Variants in VPS13A observed in about 807,000 individuals in gnomAD.
VPS13A encodes the protein intermembrane lipid transfer protein VPS13A.
A neutral mutation model predicts 390.9 loss-of-function variants in VPS13A; 264 were observed. That is an observed-to-expected ratio of 0.68 (90% CI 0.61 to 0.75). VPS13A has a LOEUF of 0.75. Ranked by LOEUF, VPS13A falls within the 30% of genes least tolerant of loss-of-function variation. VPS13A has a pLI of 0.00. For missense variants in VPS13A, 3,409 were observed against 3,733.9 expected (o/e 0.91, Z 2.27); for synonymous variants, 1,231 against 1,227.1 (o/e 1.00, Z -0.07).
intron 33 of VPS13A, among the ~76,000 whole-genome samples, chr9:77,296,487 T>C (rs1263134542): frequency 1.3e-5 from 2 of 152,136 alleles, no homozygotes; most frequent in Admixed American, 6.6e-5. Context: ...TTTTCTTTGA[T>C]ATAATTCTCT....
chr9:77,343,981 A>C (rs890151236), intron 50 of VPS13A, among the ~76,000 whole-genome samples, 172 bp from the exon 51 acceptor site: 2 of 152,214 alleles, frequency 1.3e-5, no homozygotes, highest in Non-Finnish European at 2.9e-5. Context: ...GACAAGTGAC[A>C]ATCCATCTTC....
At chr9:77,358,466 A>C in intron 57 of VPS13A, 28 bp downstream of exon 57, 1 of 1,564,346 alleles carries the variant, frequency 6.4e-7, no homozygotes, top group Non-Finnish European at 8.8e-7. Flanking sequence ...GATTTCCATA[A>C]AAGCAGTTGT....
chr9:77,382,116 G>T (rs1261831026), intron 68 of VPS13A, 29 bp downstream of exon 68: 4 of 1,546,096 alleles, frequency 2.6e-6, no homozygotes, highest in Non-Finnish European at 3.5e-6. Flanking sequence ...TATAAATTAA[G>T]ATTAATTTAG....
intron 68 of VPS13A, among the ~76,000 whole-genome samples, chr9:77,401,676 TA>T: frequency 6.6e-6 from 1 of 152,326 alleles, no homozygotes; most frequent in Admixed American, 6.5e-5. Context: ...TTCTTCCTCT[TA>T]ATATTTCTTA....
At chr9:77,235,375 C>A (rs1467024817) in intron 17 of VPS13A, among the ~76,000 whole-genome samples, 2 of 151,996 alleles carry the variant, frequency 1.3e-5, no homozygotes, top group Admixed American at 1.3e-4. Context: ...ATCTTGCTGC[C>A]TTTTGGACTG....
intron 68 of VPS13A, among the ~76,000 whole-genome samples, chr9:77,395,285 A>T (rs1834077288): frequency 6.6e-6 from 1 of 152,018 alleles, no homozygotes; most frequent in African/African-American, 2.4e-5. Flanking sequence ...TTTCTCACGT[A>T]ATAGGGAGGC....
chr9:77,194,162 A>G (rs1363511501), intron 1 of VPS13A, among the ~76,000 whole-genome samples: 1 of 152,070 alleles, frequency 6.6e-6, no homozygotes, highest in East Asian at 1.9e-4. Flanking sequence ...GTGTCCTGGC[A>G]AAACAGTGCG....
intron 5 of VPS13A, among the ~76,000 whole-genome samples, chr9:77,207,271 CAT>C (rs1173430289): frequency 1.1e-5 from 1 of 88,152 alleles, no homozygotes; most frequent in African/African-American, 3.3e-5. Context: ...TTATATGTAA[CAT>C]AACATGCATA....
At position 77,315,307 on chromosome 9, in the gene VPS13A, C is replaced by G. The variant is rs1230170346; in HGVS notation, c.4467C>G (p.Tyr1489Ter). The change falls in exon 38 of 72, where the codon TAC (tyrosine) becomes TAG (stop). Residue 1489 changes from tyrosine (Y) to a stop codon, truncating the protein, a stop_gained. Coordinates refer to ENST00000360280, the MANE Select transcript of VPS13A (RefSeq NM_033305.3). LOFTEE classifies it high-confidence loss of function. ...FDKKDMMDIK[Y>*]RKVRDGCVTD... is the part of the protein sequence containing the mutation. ...AAAAAGACATGATGGATATAAAGTA[C>G]AGGAAAGTCAGAGATGGTTGTGTGA... The G allele has an allele frequency of 6.2e-7, 1 of 1,613,882 alleles. No homozygotes were observed. Among genetic ancestry groups the G allele is most frequent in the Admixed American group, 1.7e-5 (1 of 59,996 alleles).
chr9:77,319,594 T>G lies in VPS13A; in HGVS notation c.5336T>G (p.Phe1779Cys). Residue 1779 changes from phenylalanine to cysteine, a missense_variant, in exon 42 of 72, where the codon TTT (phenylalanine) becomes TGT (cysteine). Phe to Cys is a radical substitution (Grantham distance 205). This residue lies in a region of VPS13A where 2,717 missense variants were observed against 2,917.4 expected (regional missense o/e 0.93). Coordinates refer to ENST00000360280, the MANE Select transcript of VPS13A (RefSeq NM_033305.3). The part of the protein sequence containing the change: ...ELEVHYYNEM[F>C]GVWEPLLEPL... ...TAGGTGCATTATTATAATGAAATGT[T>G]TGGTGTATGGGAGCCTTTGCTTGAA... The G allele has an allele frequency of 6.2e-7, 1 of 1,609,384 alleles. No homozygotes were observed. The highest frequency in any genetic ancestry group is 2.2e-5 in the East Asian group (1 of 44,774).
Position 77,384,631 on chromosome 9 carries a change from GTGATGATGATGATGA to G in VPS13A, c.9189+2563_9189+2577del, listed in dbSNP as rs113052866. On this transcript the variant is annotated intron_variant, in intron 68 of 71. Transcript: ENST00000360280. The stretch of plus-strand genomic sequence containing the variant: ...TGGATTATGACTCACAGTAGCAGTA[GTGATGATGATGATGA>G]TGATGATGATGATGATGAGTCAGAT... 3,644 of 1,606,034 alleles carry G rather than the reference GTGATGATGATGATGA, an allele frequency of 2.3e-3. 6 individuals carry two copies. Among genetic ancestry groups the G allele is most frequent in the Non-Finnish European group, 2.8e-3 (3,285 of 1,177,182 alleles).
Position 77,316,223 on chromosome 9 carries a change from T to C in VPS13A, c.4680T>C (p.Asn1560=), listed in dbSNP as rs1829376398. The change falls in exon 39 of 72, where the codon AAT becomes AAC. Residue 1560 remains asparagine, a synonymous_variant. Transcript: ENST00000360280. ...GGGAAATTAATGTTATTATTAAAAATCCTGAAATTGTGTTTGTAGCTGACA... is the reference window on the plus strand; with the variant it reads ...GGGAAATTAATGTTATTATTAAAAACCCTGAAATTGTGTTTGTAGCTGACA... ...VKWEINVIIK[N]PEIVFVADMT... 1.9e-6 allele frequency: 3 copies of C among 1,613,000 alleles called. No individual in the cohort carries two copies. In the South Asian group the frequency reaches 3.3e-5, roughly 18 times the overall value.
At chr9:77,191,624 A>C (rs908044884) in intron 1 of VPS13A, among the ~76,000 whole-genome samples, 2 of 152,110 alleles carry the variant, frequency 1.3e-5, no homozygotes, top group Non-Finnish European at 2.9e-5. Flanking sequence ...TTTCAGTGAA[A>C]TTAAGATTTC....
intron 69 of VPS13A, among the ~76,000 whole-genome samples, chr9:77,404,574 T>G (rs2131650393): frequency 6.6e-6 from 1 of 152,350 alleles, no homozygotes; most frequent in Non-Finnish European, 1.5e-5. Flanking sequence ...CTAATCAGCA[T>G]TAAGCAAAAT....
At chr9:77,330,329 A>T (rs1248279819) in intron 45 of VPS13A, among the ~76,000 whole-genome samples, 1 of 152,186 alleles carries the variant, frequency 6.6e-6, no homozygotes, top group Non-Finnish European at 1.5e-5. Flanking sequence ...ACTTTTATAC[A>T]GACGGATGCT....
chr9:77,293,837 A>G (rs1246873118), intron 32 of VPS13A, among the ~76,000 whole-genome samples: 1 of 152,158 alleles, frequency 6.6e-6, no homozygotes, highest in Non-Finnish European at 1.5e-5. Flanking sequence ...CTGACTTGCA[A>G]CTATAATTTA....
chr9:77,388,892 T>C (rs774700942), intron 68 of VPS13A, among the ~76,000 whole-genome samples: 4 of 152,222 alleles, frequency 2.6e-5, no homozygotes, highest in Non-Finnish European at 5.9e-5. Flanking sequence ...TTAAAAATTT[T>C]ACAGACCTGC....
In VPS13A at chr9:77,348,433, G is replaced by T. The variant is rs548634620; in HGVS notation, c.7290-2884G>T. Among the ~76,000 whole-genome samples, 8 of 152,232 alleles carry T rather than the reference G, an allele frequency of 5.3e-5. 1 individual carries two copies. In the East Asian group the frequency reaches 1.5e-3, roughly 29 times the overall value. ...GAACAATGAGAACACATGGACACAG[G>T]GAGGGGAACAACGCACACTGGGGCC... On this transcript the variant is annotated intron_variant, in intron 52 of 71. Transcript: ENST00000360280.
At chr9:77,289,583 G>T (rs1353379000) in intron 31 of VPS13A, among the ~76,000 whole-genome samples, 1 of 151,764 alleles carries the variant, frequency 6.6e-6, no homozygotes, top group Non-Finnish European at 1.5e-5. Context: ...ATCTTTCTTG[G>T]TATCATCATA....
Sources: allele counts gnomAD v4.1 joint callset (sites outside exome capture counted in the v4.1 genomes callset), GRCh38; gene constraint gnomAD v4.1.1; regional missense constraint gnomAD v4.1.1; transcripts MANE v1.5; gene names NCBI Gene and HGNC (gene_info 2026-07-23, HGNC 2026-07-21).